Variants in ANO3 observed in about 807,000 individuals in gnomAD.
ANO3 encodes anoctamin-3.
Under a neutral mutation model 144.8 loss-of-function variants are expected in ANO3, and 99 were observed. That is an observed-to-expected ratio of 0.68 (90% CI 0.58 to 0.81). The LOEUF (loss-of-function observed/expected upper bound fraction) is 0.81. Among genes scored for constraint, ANO3 ranks in the 30% least tolerant of loss-of-function variants. ANO3 has a pLI of 0.00. For synonymous variants in ANO3, 414 were observed against 392.6 expected, an observed-to-expected ratio of 1.05 and a Z score of -0.64; for missense variants, 905 against 1,202.2, an observed-to-expected ratio of 0.75 and a Z score of 3.66.
intron 14 of ANO3, among the ~76,000 whole-genome samples, chr11:26,564,765 A>C: frequency 9.9e-6 from 1 of 101,450 alleles, no homozygotes; most frequent in Non-Finnish European, 2.0e-5. Flanking sequence ...ATATATATAT[A>C]TATATATATA....
At chr11:26,557,075 T>C (rs748017577) in intron 13 of ANO3, among the ~76,000 whole-genome samples, 2 of 152,128 alleles carry the variant, frequency 1.3e-5, no homozygotes, top group Admixed American at 6.5e-5. Flanking sequence ...TCAAGAGAAA[T>C]CAGGTGTCAA....
intron 17 of ANO3, among the ~76,000 whole-genome samples, chr11:26,616,044 T>A (rs1442547867): frequency 2.0e-5 from 3 of 152,308 alleles, no homozygotes; most frequent in African/African-American, 4.8e-5. Context: ...CATGCTGAAA[T>A]CATACCACTG....
At chr11:26,272,900 C>T (rs1853473609) in intron 1 of ANO3, among the ~76,000 whole-genome samples, 1 of 152,150 alleles carries the variant, frequency 6.6e-6, no homozygotes, top group African/African-American at 2.4e-5. Context: ...CCTTCTCTGC[C>T]CTTATCTGCT....
At chr11:26,273,225 A>AG (rs1164538494) in intron 1 of ANO3, among the ~76,000 whole-genome samples, 2 of 141,850 alleles carry the variant, frequency 1.4e-5, no homozygotes, top group Non-Finnish European at 3.0e-5. Context: ...TGCCTTTTAA[A>AG]GTTTTTTTTT....
At chr11:26,255,168 T>C (rs1236383839) in intron 1 of ANO3, among the ~76,000 whole-genome samples, 1 of 152,194 alleles carries the variant, frequency 6.6e-6, no homozygotes, top group East Asian at 1.9e-4. Context: ...CGCTGGAGTA[T>C]TTGTGGTACA....
intron 1 of ANO3, among the ~76,000 whole-genome samples, chr11:26,369,166 ATG>A (rs764729228): frequency 9.9e-4 from 150 of 152,212 alleles, no homozygotes; most frequent in Admixed American, 2.2e-3. Flanking sequence ...ATGCATGCCT[ATG>A]TGTGTGTTGG....
chr11:26,274,776 A>T (rs1853521705), intron 1 of ANO3, among the ~76,000 whole-genome samples: 1 of 152,094 alleles, frequency 6.6e-6, no homozygotes, highest in Admixed American at 6.6e-5. Flanking sequence ...GTAAGCAGAG[A>T]TACTTCAGTG....
intron 1 of ANO3, among the ~76,000 whole-genome samples, chr11:26,286,980 C>A (rs74599257): frequency 0.02 from 2,964 of 151,878 alleles, 82 homozygotes; most frequent in African/African-American, 0.064. Flanking sequence ...ATAAACTTAA[C>A]AAAGTGTTAT....
chr11:26,635,035 T>C lies in ANO3; in HGVS notation c.2008T>C (p.Tyr670His). ...LGRFVGHPGKYNKLFDRWRLE... is the reference protein window; with the variant it reads ...LGRFVGHPGKHNKLFDRWRLE... ...CAGATTCGTAGGCCACCCAGGAAAA[T>C]ACAATAAACTTTTTGACCGGTGGAG... Residue 670 changes from tyrosine to histidine, a missense_variant, in exon 20 of 27, where the codon TAC becomes CAC. By Grantham distance (83) the Tyr-to-His change is moderately conservative. Around this residue, in one of 4 missense-constraint regions of ANO3, gnomAD observed 597 missense variants for 865.1 expected, o/e 0.69. Coordinates refer to ENST00000256737, the MANE Select transcript of ANO3 (RefSeq NM_031418.4). The C allele has an allele frequency of 1.2e-6, 2 of 1,613,454 alleles. No homozygotes were observed. Among genetic ancestry groups the C allele is most frequent in the Non-Finnish European group, 1.7e-6 (2 of 1,179,598 alleles).
At chr11:26,541,423 A>G (rs142053235) in intron 10 of ANO3, among the ~76,000 whole-genome samples, 5,496 of 152,254 alleles carry the variant, frequency 0.036, 238 homozygotes, top group African/African-American at 0.1. Context: ...CTGCACATGT[A>G]TCCCAGAACA....
chr11:26,404,852 T>C (rs977166926), intron 1 of ANO3, among the ~76,000 whole-genome samples: 1 of 151,604 alleles, frequency 6.6e-6, no homozygotes, highest in Non-Finnish European at 1.5e-5. Flanking sequence ...TACAGTGGAA[T>C]TAAGTTTTCA....
chr11:26,550,905 A>G (rs1271604528), intron 12 of ANO3, among the ~76,000 whole-genome samples: 2 of 151,948 alleles, frequency 1.3e-5, no homozygotes, highest in South Asian at 2.1e-4. Context: ...CAGGATTACA[A>G]TTTCCCCGCA....
chr11:26,428,226 T>G (rs1026107746), intron 1 of ANO3, among the ~76,000 whole-genome samples: 11 of 152,122 alleles, frequency 7.2e-5, no homozygotes, highest in Non-Finnish European at 1.0e-4. Context: ...AACAAGACAA[T>G]ATAACAGAAT....
chr11:26,601,617 G>A (rs1447737407), intron 17 of ANO3, among the ~76,000 whole-genome samples: 2 of 152,198 alleles, frequency 1.3e-5, no homozygotes, highest in Non-Finnish European at 2.9e-5. Flanking sequence ...CACTGCACAA[G>A]CATCACATTG....
At chr11:26,583,489 C>T (rs61878561) in intron 14 of ANO3, among the ~76,000 whole-genome samples, 4,754 of 152,124 alleles carry the variant, frequency 0.031, 105 homozygotes, top group Non-Finnish European at 0.051. Flanking sequence ...AAATACAGTT[C>T]GGTCCAAATG....
At chr11:26,352,671 G>A (rs896157828) in intron 1 of ANO3, among the ~76,000 whole-genome samples, 4 of 152,090 alleles carry the variant, frequency 2.6e-5, no homozygotes, top group Admixed American at 1.3e-4. Flanking sequence ...TTTATGCTAC[G>A]TAGATTGTAT....
chr11:26,249,639 T>C (rs974706959), intron 1 of ANO3, among the ~76,000 whole-genome samples: 10 of 152,064 alleles, frequency 6.6e-5, no homozygotes, highest in African/African-American at 2.4e-4. Flanking sequence ...AAATATATTT[T>C]ATATTATATT....
intron 1 of ANO3, among the ~76,000 whole-genome samples, chr11:26,252,935 A>G (rs1852967309): frequency 6.6e-6 from 1 of 152,214 alleles, no homozygotes; most frequent in Non-Finnish European, 1.5e-5. Flanking sequence ...AAACACTTGA[A>G]TGGTGTAAAC....
chr11:26,553,003 C>CACGAGTGTAAAAATGGCCTGTTATCATT (rs1554968939), intron 12 of ANO3, among the ~76,000 whole-genome samples: 4 of 151,596 alleles, frequency 2.6e-5, no homozygotes, highest in Non-Finnish European at 5.9e-5. Context: ...CCATTTATCA[C>CACGAGTGTAAAAATGGCCTGTTATCATT]ACAATTATCT....
Sources: allele counts gnomAD v4.1 joint callset (sites outside exome capture counted in the v4.1 genomes callset), GRCh38; gene constraint gnomAD v4.1.1; regional missense constraint gnomAD v4.1.1; transcripts MANE v1.5; gene names NCBI Gene and HGNC (gene_info 2026-07-23, HGNC 2026-07-21).